Variants in ARID4B observed in about 807,000 individuals in gnomAD.
ARID4B encodes the protein AT-rich interactive domain-containing protein 4B.
In ARID4B, 26 loss-of-function variants were observed where a neutral mutation model predicts 147.5. The observed-to-expected ratio is 0.18, with a 90% CI of 0.13 to 0.24. The LOEUF (loss-of-function observed/expected upper bound fraction) is 0.24. Among genes scored for constraint, ARID4B ranks in the 10% least tolerant of loss-of-function variants. The probability of loss-of-function intolerance (pLI) is 1.00; values close to 1 mark genes in which losing one functional copy is unlikely to be tolerated. For synonymous variants in ARID4B, 512 were observed against 507.9 expected (o/e 1.01, Z -0.11); for missense variants, 1,179 against 1,511.5 (o/e 0.78, Z 3.65).
chr1:235,224,596 A>C, intron 12 of ARID4B, 107 bp downstream of exon 12: 2 of 756,652 alleles, frequency 2.6e-6, no homozygotes, highest in South Asian at 1.6e-5. Context: ...AGACAGCCAT[A>C]ATTACTGATG....
At chr1:235,254,928 A>G (rs1289271146) in intron 5 of ARID4B, among the ~76,000 whole-genome samples, 1 of 152,002 alleles carries the variant, frequency 6.6e-6, no homozygotes, top group African/African-American at 2.4e-5. Flanking sequence ...TAAATGACAT[A>G]AAATCTGACA....
At chr1:235,255,958 G>A (rs1431066107) in intron 4 of ARID4B, among the ~76,000 whole-genome samples, 1 of 152,016 alleles carries the variant, frequency 6.6e-6, no homozygotes, top group East Asian at 1.9e-4. Flanking sequence ...TGGATCACTT[G>A]AGGTCAGGAG....
chr1:235,255,267 A>ATCTATC (rs772853750), intron 5 of ARID4B, among the ~76,000 whole-genome samples: 106 of 137,240 alleles, frequency 7.7e-4, no homozygotes, highest in African/African-American at 2.7e-3. Flanking sequence ...AGATAGATAT[A>ATCTATC]TATCTCTCTC....
Position 235,168,635 on chromosome 1 carries a change from A to G in ARID4B, c.3829T>C (p.Ser1277Pro), listed in dbSNP as rs757821989. 1.7e-5 allele frequency: 27 copies of G among 1,613,996 alleles called. No individual in the cohort carries two copies. The highest frequency in any genetic ancestry group is 2.2e-5 in the Non-Finnish European group (26 of 1,179,904). Residue 1277 changes from serine (S) to proline (P), a missense_variant, in exon 24 of 24, where the codon TCC (serine) becomes CCC (proline). Physicochemically the swap from Ser to Pro is moderately conservative, Grantham distance 74. Transcript: ENST00000264183. ...KERESAATSSSSSSPSSSSIT... is the reference protein window; with the variant it reads ...KERESAATSSPSSSPSSSSIT... Reference sequence around the variant, plus strand: ...GAACTGGATGAAGGTGAAGAGGAGGATGAGGATGTAGCAGCACCTAAGGAA... The same window carrying G: ...GAACTGGATGAAGGTGAAGAGGAGGGTGAGGATGTAGCAGCACCTAAGGAA...
intron 23 of ARID4B, 67 bp from the exon 24 acceptor site, chr1:235,168,719 C>T (rs1019057011): frequency 1.3e-6 from 2 of 1,515,894 alleles, no homozygotes; most frequent in African/African-American, 2.8e-5. Context: ...ACAGAAAATA[C>T]TAGTCCTCTG....
intron 2 of ARID4B, among the ~76,000 whole-genome samples, chr1:235,311,136 A>C (rs1674019366): frequency 1.3e-5 from 2 of 152,054 alleles, no homozygotes; most frequent in African/African-American, 4.8e-5. Context: ...GGCTGCAATA[A>C]TTCACAGGGC....
At chr1:235,273,586 T>C (rs563420085) in intron 2 of ARID4B, among the ~76,000 whole-genome samples, 14 of 152,366 alleles carry the variant, frequency 9.2e-5, no homozygotes, top group Non-Finnish European at 1.9e-4. Flanking sequence ...GTAGAAAATG[T>C]ATACTTGTAC....
chr1:235,236,492 T>TTGTG (rs111585112), intron 8 of ARID4B, among the ~76,000 whole-genome samples: 81 of 147,154 alleles, frequency 5.5e-4, no homozygotes, highest in African/African-American at 1.4e-3. Flanking sequence ...TACAAAACAG[T>TTGTG]TGTGTGTGTG....
At position 235,246,764 on chromosome 1, in the gene ARID4B, T is replaced by C. The variant is rs1057336712; in HGVS notation, c.355-253A>G. 2.6e-5 allele frequency among the ~76,000 whole-genome samples: 4 copies of C among 152,260 alleles called. No individual in the cohort carries two copies. In the South Asian group the frequency reaches 8.3e-4, roughly 32 times the overall value. ...CTCTCTCTAGATGATTCATTACCTATGTGAAGGTTGATAGGCATCTAAGAA... is the reference window on the plus strand; with the variant it reads ...CTCTCTCTAGATGATTCATTACCTACGTGAAGGTTGATAGGCATCTAAGAA... On this transcript the variant is annotated intron_variant, in intron 6 of 23. Transcript: ENST00000264183.
chr1:235,179,978 G>A (rs1664186683), intron 20 of ARID4B, among the ~76,000 whole-genome samples: 1 of 151,268 alleles, frequency 6.6e-6, no homozygotes, highest in African/African-American at 2.4e-5. Context: ...GCTGAGGCAG[G>A]GGAATCACTT....
At chr1:235,239,598 G>A (rs996559398) in intron 8 of ARID4B, among the ~76,000 whole-genome samples, 1 of 152,086 alleles carries the variant, frequency 6.6e-6, no homozygotes, top group African/African-American at 2.4e-5. Context: ...AGAAGCTAGT[G>A]GTTACGAAAA....
chr1:235,218,276 T>C (rs1044785023), intron 16 of ARID4B, among the ~76,000 whole-genome samples: 5 of 152,092 alleles, frequency 3.3e-5, no homozygotes, highest in African/African-American at 1.2e-4. Context: ...TACATAAAAA[T>C]CCATATAATT....
At position 235,219,298 on chromosome 1, in the gene ARID4B, G is replaced by C. The variant is rs150740968; in HGVS notation, c.1583+495C>G. The stretch of plus-strand genomic sequence containing the variant: ...TATAAAATCCAGGGGTCCACTAGCA[G>C]TGCATAAATTACATTGTCAAATAAT... On this transcript the variant is annotated intron_variant, in intron 16 of 23. Coordinates refer to ENST00000264183, the MANE Select transcript of ARID4B (RefSeq NM_016374.6). 2.6e-3 allele frequency among the ~76,000 whole-genome samples: 397 copies of C among 152,234 alleles called. 3 individuals carry two copies. The highest frequency in any genetic ancestry group is 9.1e-3 in the African/African-American group (380 of 41,538).
intron 2 of ARID4B, among the ~76,000 whole-genome samples, chr1:235,312,817 C>A (rs931156468): frequency 2.0e-5 from 3 of 152,032 alleles, no homozygotes; most frequent in South Asian, 4.1e-4. Context: ...TACTAAAATA[C>A]AAAAAATTAG....
intron 19 of ARID4B, among the ~76,000 whole-genome samples, chr1:235,187,306 A>G (rs994177982): frequency 6.6e-6 from 1 of 150,952 alleles, no homozygotes; most frequent in East Asian, 1.9e-4. Flanking sequence ...CTGGTCTTGA[A>G]CTCCCGACCT....
intron 2 of ARID4B, among the ~76,000 whole-genome samples, chr1:235,302,947 A>G (rs2103252845): frequency 1.1e-5 from 1 of 91,046 alleles, no homozygotes; most frequent in Non-Finnish European, 2.5e-5. Context: ...TTTTTTTGAG[A>G]CGGAGTCTCG....
chr1:235,297,948 T>G (rs1333402048), intron 2 of ARID4B, among the ~76,000 whole-genome samples: 2 of 152,180 alleles, frequency 1.3e-5, no homozygotes, highest in Non-Finnish European at 2.9e-5. Flanking sequence ...AACGAACAAA[T>G]TGCAAAGACA....
intron 2 of ARID4B, among the ~76,000 whole-genome samples, chr1:235,292,114 TTATAA>T (rs1403825333): frequency 6.6e-6 from 1 of 152,204 alleles, no homozygotes; most frequent in African/African-American, 2.4e-5. Flanking sequence ...CAGATACAAC[TTATAA>T]TGTAAGTTGT....
At chr1:235,250,590 G>A (rs1669581897) in intron 6 of ARID4B, among the ~76,000 whole-genome samples, 1 of 152,072 alleles carries the variant, frequency 6.6e-6, no homozygotes, top group African/African-American at 2.4e-5. Context: ...CTCCAACAGG[G>A]AGTAAGTACC....
Sources: gnomAD v4.1 joint callset for allele counts (sites outside exome capture counted in the v4.1 genomes callset) on GRCh38, gnomAD v4.1.1 for gene constraint, MANE v1.5 for transcripts, NCBI Gene and HGNC (gene_info 2026-07-23, HGNC 2026-07-21) for gene names.